Variants in TWIST2 observed in about 807,000 individuals in gnomAD.
TWIST2 encodes twist family bHLH transcription factor 2.
A neutral mutation model predicts 11.6 loss-of-function variants in TWIST2; 1 was observed. The observed-to-expected ratio is 0.09, with a 90% CI of 0.03 to 0.41. The LOEUF (loss-of-function observed/expected upper bound fraction) is 0.41. Among genes scored for constraint, TWIST2 ranks in the 10% least tolerant of loss-of-function variants. The pLI, the probability that TWIST2 is intolerant of heterozygous loss-of-function variation, is 0.98. For synonymous variants in TWIST2, 87 were observed against 96.6 expected (o/e 0.90, Z 0.58); for missense variants, 168 against 226.4 (o/e 0.74, Z 1.66).
chr2:238,864,849 G>T lies in TWIST2; in HGVS notation c.*35+16116G>T, dbSNP rs1234085102. Among the ~76,000 whole-genome samples, 1 of 151,894 alleles carries T rather than the reference G, an allele frequency of 6.6e-6. No homozygotes were observed. The highest frequency in any genetic ancestry group is 2.4e-5 in the African/African-American group (1 of 41,368). ...TTCCTCTCCTTAGGGACCCCTGGAAGGTCCAGAGTGCAGGGTGTGTGGCCA... is the reference window on the plus strand; with the variant it reads ...TTCCTCTCCTTAGGGACCCCTGGAATGTCCAGAGTGCAGGGTGTGTGGCCA... On this transcript the variant is annotated intron_variant, in intron 1 of 1. Coordinates refer to ENST00000612363, the MANE Select transcript of TWIST2 (RefSeq NM_001271893.4). This position sits in a 1 kb window ranked among gnomAD's most constrained non-coding sequence, Gnocchi z 4.7.
rs1002250398 is a variant in TWIST2 at position 238,863,737 on chromosome 2, C to T, written c.*35+15004C>T. On this transcript the variant is annotated intron_variant, in intron 1 of 1. Transcript: ENST00000612363. The surrounding 1 kb of genome is among the most constrained non-coding windows in gnomAD (Gnocchi z 4.7). The stretch of plus-strand genomic sequence containing the variant: ...AAATTGAGAAGAGGTGCTTTGACCC[C>T]GACTCACTCAGTGGAGCTAGAAAAA... Among the ~76,000 whole-genome samples the T allele has an allele frequency of 2.0e-5, 3 of 152,214 alleles. No homozygotes were observed. The highest frequency in any genetic ancestry group is 1.3e-4 in the Admixed American group (2 of 15,288).
At chr2:238,882,390 G>A (rs1692952653) in intron 1 of TWIST2, among the ~76,000 whole-genome samples, 1 of 152,212 alleles carries the variant, frequency 6.6e-6, no homozygotes, top group South Asian at 2.1e-4. Flanking sequence ...CTGGAAAACA[G>A]ATCAGTACTT....
At chr2:238,865,906 C>T (rs150037826) in intron 1 of TWIST2, among the ~76,000 whole-genome samples, 8 of 152,250 alleles carry the variant, frequency 5.3e-5, no homozygotes, top group South Asian at 2.1e-4. Context: ...GTCACTCCAC[C>T]GTACAGTGCC....
intron 1 of TWIST2, among the ~76,000 whole-genome samples, chr2:238,861,459 T>C (rs1373977348): frequency 2.0e-5 from 3 of 152,090 alleles, no homozygotes; most frequent in African/African-American, 7.2e-5. Flanking sequence ...AAAGGGCACC[T>C]CCATCACTGA....
chr2:238,902,661 TGTGTGTGTGATGTGGG>T (rs1313205410), intron 1 of TWIST2, among the ~76,000 whole-genome samples: 1 of 124,076 alleles, frequency 8.1e-6, no homozygotes, highest in African/African-American at 3.0e-5. Context: ...GTGTGTGTGA[TGTGTGTGTGATGTGGG>T]GTGTGTGTGA....
chr2:238,852,941 C>G (rs1692266903), intron 1 of TWIST2, among the ~76,000 whole-genome samples: 1 of 152,118 alleles, frequency 6.6e-6, no homozygotes. Context: ...TAAGAAATTA[C>G]TACTAAGATT....
chr2:238,892,625 C>T (rs1693158975), intron 1 of TWIST2, among the ~76,000 whole-genome samples: 1 of 143,990 alleles, frequency 6.9e-6, no homozygotes, highest in African/African-American at 2.6e-5. Flanking sequence ...GGACTACAGG[C>T]GACCACCACC....
At chr2:238,896,489 TG>T (rs1434729228) in intron 1 of TWIST2, among the ~76,000 whole-genome samples, 1 of 151,972 alleles carries the variant, frequency 6.6e-6, no homozygotes, top group Non-Finnish European at 1.5e-5. Context: ...AAACGTGGGG[TG>T]GGGTGTGACT....
At position 238,904,219 on chromosome 2, in the gene TWIST2, A is replaced by AGT. The variant is rs1286702583; in HGVS notation, c.*36-5613_*36-5612dup. Among the ~76,000 whole-genome samples the AGT allele has an allele frequency of 5.8e-4, 3 of 5,174 alleles. 1 individual carries two copies. In the South Asian group the frequency reaches 0.015, roughly 25 times the overall value. 3.4% of individuals were successfully genotyped at this position (5,174 alleles called of 152,430 possible). Reference sequence around the variant, plus strand: ...GTGTGTGATGTGAGGTGTGTGATGTAGTGTGTGTGTGATGTGGGGTGTGTG... The same window carrying AGT: ...GTGTGTGATGTGAGGTGTGTGATGTAGTGTGTGTGTGTGATGTGGGGTGTGTG... On this transcript the variant is annotated intron_variant, in intron 1 of 1. Transcript: ENST00000612363.
intron 1 of TWIST2, among the ~76,000 whole-genome samples, chr2:238,881,706 G>A (rs997639409): frequency 6.6e-6 from 1 of 152,020 alleles, no homozygotes; most frequent in Non-Finnish European, 1.5e-5. Context: ...TCCCCATCTC[G>A]GCCCCTCTTG....
chr2:238,891,710 T>C (rs1277448086), intron 1 of TWIST2, among the ~76,000 whole-genome samples: 3 of 152,182 alleles, frequency 2.0e-5, no homozygotes, highest in Non-Finnish European at 4.4e-5. Context: ...GACAGCACCC[T>C]CACTCTGGGA....
At chr2:238,898,265 G>A (rs1401128055) in intron 1 of TWIST2, among the ~76,000 whole-genome samples, 1 of 152,218 alleles carries the variant, frequency 6.6e-6, no homozygotes, top group East Asian at 1.9e-4. Context: ...TGACCCCTCT[G>A]AACAGGGCTG....
intron 1 of TWIST2, among the ~76,000 whole-genome samples, chr2:238,872,895 C>T (rs534366236): frequency 3.9e-5 from 6 of 152,224 alleles, no homozygotes; most frequent in African/African-American, 9.6e-5. Flanking sequence ...GTTGCCCTCA[C>T]ATTTACTGAG....
At chr2:238,905,946 CGCGCGTGTGTACGTGTGCGTGTGTGT>C (rs1693344520) in intron 1 of TWIST2, among the ~76,000 whole-genome samples, 7 of 109,482 alleles carry the variant, frequency 6.4e-5, no homozygotes, top group Admixed American at 3.9e-4. Context: ...TGTGTGTGCG[CGCGCGTGTGTACGTGTGCGTGTGTGT>C]GCGCGCGCGT....
rs1158185868 is a variant in TWIST2 at position 238,864,455 on chromosome 2, A to C, written c.*35+15722A>C. Among the ~76,000 whole-genome samples the C allele has an allele frequency of 6.6e-6, 1 of 152,212 alleles. No homozygotes were observed. Among genetic ancestry groups the C allele is most frequent in the Non-Finnish European group, 1.5e-5 (1 of 68,038 alleles). The stretch of plus-strand genomic sequence containing the variant: ...TTTTGTCCTCTGGCTGTGCAAATAA[A>C]CAGAGCAGGAAGGTTTGAATGGGCC... On this transcript the variant is annotated intron_variant, in intron 1 of 1. Transcript: ENST00000612363. This position sits in a 1 kb window ranked among gnomAD's most constrained non-coding sequence, Gnocchi z 4.7.
intron 1 of TWIST2, among the ~76,000 whole-genome samples, chr2:238,905,950 C>CGCGTGT (rs1693344934): frequency 2.5e-5 from 3 of 119,460 alleles, no homozygotes; most frequent in African/African-American, 9.6e-5. Context: ...TGTGCGCGCG[C>CGCGTGT]GTGTGTACGT....
At chr2:238,854,756 A>G (rs1475756266) in intron 1 of TWIST2, among the ~76,000 whole-genome samples, 1 of 152,200 alleles carries the variant, frequency 6.6e-6, no homozygotes, top group Admixed American at 6.5e-5. Flanking sequence ...CAGGGGCTCC[A>G]TGAGGGACAG....
chr2:238,852,102 G>A (rs922138427), intron 1 of TWIST2, among the ~76,000 whole-genome samples: 8 of 151,922 alleles, frequency 5.3e-5, no homozygotes, highest in Non-Finnish European at 1.2e-4. Context: ...AGACGGCACA[G>A]ATGCCGGATT....
intron 1 of TWIST2, among the ~76,000 whole-genome samples, chr2:238,881,900 A>G (rs1281969404): frequency 6.6e-6 from 1 of 152,144 alleles, no homozygotes; most frequent in Admixed American, 6.5e-5. Context: ...TTTTCCATCC[A>G]TGAGAGCCCG....
Sources: allele counts gnomAD v4.1 joint callset (sites outside exome capture counted in the v4.1 genomes callset), GRCh38; gene constraint gnomAD v4.1.1; non-coding constraint Gnocchi (gnomAD v3.1); transcripts MANE v1.5; gene names NCBI Gene and HGNC (gene_info 2026-07-23, HGNC 2026-07-21).